Variants in ADGRB3 observed in about 807,000 individuals in gnomAD.
ADGRB3 encodes adhesion G protein-coupled receptor B3.
A neutral mutation model predicts 193.4 loss-of-function variants in ADGRB3; 37 were observed. That is an observed-to-expected ratio of 0.19 (90% confidence interval 0.15 to 0.25). The LOEUF (loss-of-function observed/expected upper bound fraction) is 0.25, where lower values mean the gene tolerates loss of function less well. Among genes scored for constraint, ADGRB3 ranks in the 10% least tolerant of loss-of-function variants. ADGRB3 has a pLI of 1.00. For synonymous variants in ADGRB3, 690 were observed against 644.2 expected, an observed-to-expected ratio of 1.07 and a Z score of -1.08; for missense variants, 1,637 against 1,852.9, an observed-to-expected ratio of 0.88 and a Z score of 2.14.
At chr6:68,801,069 A>G (rs1767301706) in intron 3 of ADGRB3, among the ~76,000 whole-genome samples, 1 of 152,200 alleles carries the variant, frequency 6.6e-6, no homozygotes, top group African/African-American at 2.4e-5. Context: ...CCATTGGCCT[A>G]TGTTTGTAGG....
At chr6:68,774,777 A>G (rs1020696706) in intron 3 of ADGRB3, among the ~76,000 whole-genome samples, 2 of 152,140 alleles carry the variant, frequency 1.3e-5, no homozygotes, top group East Asian at 1.9e-4. Flanking sequence ...ATTATAAAAC[A>G]CTAATTTTCA....
intron 3 of ADGRB3, among the ~76,000 whole-genome samples, chr6:68,785,025 A>G (rs1461566626): frequency 6.6e-6 from 1 of 152,144 alleles, no homozygotes; most frequent in African/African-American, 2.4e-5. Flanking sequence ...TAATAACCAT[A>G]TGAGAAAGGG....
At chr6:68,732,331 A>G (rs1327727162) in intron 3 of ADGRB3, among the ~76,000 whole-genome samples, 2 of 151,844 alleles carry the variant, frequency 1.3e-5, no homozygotes, top group Non-Finnish European at 2.9e-5. Flanking sequence ...CACCCTCCAA[A>G]TACCACATGT....
intron 11 of ADGRB3, among the ~76,000 whole-genome samples, chr6:69,004,707 C>T (rs914485189): frequency 6.6e-6 from 1 of 152,126 alleles, no homozygotes; most frequent in East Asian, 1.9e-4. Context: ...CCCTGATTCA[C>T]TCTTTCTAAC....
At chr6:69,077,545 C>G (rs2150313165) in intron 17 of ADGRB3, among the ~76,000 whole-genome samples, 1 of 152,022 alleles carries the variant, frequency 6.6e-6, no homozygotes, top group African/African-American at 2.4e-5. Flanking sequence ...TAAAGGGACA[C>G]TGCAACAAGA....
chr6:69,349,181 T>G (rs11755891), intron 26 of ADGRB3, among the ~76,000 whole-genome samples: 16,485 of 152,306 alleles, frequency 0.11, 1,074 homozygotes, highest in Middle Eastern at 0.3. Context: ...TCCTGGTGTA[T>G]GACACATAAT....
chr6:68,667,653 C>T (rs546267634), intron 3 of ADGRB3, among the ~76,000 whole-genome samples: 26 of 151,784 alleles, frequency 1.7e-4, no homozygotes, highest in Non-Finnish European at 4.4e-5. Context: ...TTTTTTTATA[C>T]CTAGGATCCC....
chr6:68,788,647 A>C (rs1479879710), intron 3 of ADGRB3, among the ~76,000 whole-genome samples: 1 of 151,996 alleles, frequency 6.6e-6, no homozygotes, highest in Non-Finnish European at 1.5e-5. Context: ...TGGGGTGGAG[A>C]GTTCTAGAGA....
At chr6:69,373,112 G>A (rs982693378) in intron 30 of ADGRB3, among the ~76,000 whole-genome samples, 4 of 151,966 alleles carry the variant, frequency 2.6e-5, no homozygotes, top group East Asian at 1.9e-4. Flanking sequence ...AATTAATGAC[G>A]TTTAAGCACC....
chr6:68,888,814 C>A (rs1408124466), intron 3 of ADGRB3, among the ~76,000 whole-genome samples: 2 of 152,078 alleles, frequency 1.3e-5, no homozygotes, highest in South Asian at 4.2e-4. Flanking sequence ...GTATTAAAGG[C>A]AGAGGGAAAG....
chr6:68,757,725 G>T (rs758752118), intron 3 of ADGRB3, among the ~76,000 whole-genome samples: 3 of 151,930 alleles, frequency 2.0e-5, no homozygotes, highest in Non-Finnish European at 4.4e-5. Flanking sequence ...CCTTACTTTA[G>T]TTTTGCTTTT....
At chr6:68,648,792 A>AT (rs60135541) in intron 3 of ADGRB3, among the ~76,000 whole-genome samples, 29 of 149,084 alleles carry the variant, frequency 1.9e-4, no homozygotes, top group African/African-American at 3.0e-4. Flanking sequence ...AATTTTGATA[A>AT]TTTTTTTTTA....
At chr6:68,815,304 A>C (rs145605693) in intron 3 of ADGRB3, among the ~76,000 whole-genome samples, 1 of 152,294 alleles carries the variant, frequency 6.6e-6, no homozygotes, top group African/African-American at 2.4e-5. Context: ...TAAATACTGA[A>C]TCTCAAAAGA....
chr6:68,800,243 T>G (rs1159353005), intron 3 of ADGRB3, among the ~76,000 whole-genome samples: 2 of 152,316 alleles, frequency 1.3e-5, no homozygotes, highest in Non-Finnish European at 2.9e-5. Context: ...GGAGGATTAA[T>G]AAATTTTGGG....
chr6:68,808,742 G>A (rs989923078), intron 3 of ADGRB3, among the ~76,000 whole-genome samples: 8 of 151,992 alleles, frequency 5.3e-5, no homozygotes, highest in African/African-American at 1.9e-4. Context: ...AAAAAAGGAG[G>A]AGGAAAAAAG....
intron 28 of ADGRB3, among the ~76,000 whole-genome samples, chr6:69,358,763 C>G (rs1769384079): frequency 6.6e-6 from 1 of 151,802 alleles, no homozygotes; most frequent in African/African-American, 2.4e-5. Context: ...AGTCCCATCA[C>G]TTTAACATCA....
At chr6:69,222,884 A>G (rs976117647) in intron 17 of ADGRB3, among the ~76,000 whole-genome samples, 5 of 152,146 alleles carry the variant, frequency 3.3e-5, no homozygotes, top group Admixed American at 1.3e-4. Context: ...CAAAATTAAT[A>G]TTAGTTTAGT....
chr6:69,141,664 C>A (rs577577053), intron 17 of ADGRB3, among the ~76,000 whole-genome samples: 1 of 151,930 alleles, frequency 6.6e-6, no homozygotes. Flanking sequence ...AGCAGGCAGT[C>A]CATGTGGAAC....
At chr6:69,166,286 T>A (rs967950455) in intron 17 of ADGRB3, among the ~76,000 whole-genome samples, 8 of 152,022 alleles carry the variant, frequency 5.3e-5, no homozygotes, top group Admixed American at 5.2e-4. Context: ...AAGCATGCAA[T>A]GTGATAGAGG....
Sources: gnomAD v4.1 joint callset for allele counts (sites outside exome capture counted in the v4.1 genomes callset) on GRCh38, gnomAD v4.1.1 for gene constraint, MANE v1.5 for transcripts, NCBI Gene and HGNC (gene_info 2026-07-23, HGNC 2026-07-21) for gene names.